Variants in FHIT observed in about 807,000 individuals in gnomAD.
FHIT encodes fragile histidine triad diadenosine triphosphatase.
FHIT carries 19 observed loss-of-function variants against 17.9 expected under a neutral mutation model. That is an observed-to-expected ratio of 1.06 (90% confidence interval 0.74 to 1.56). The LOEUF (loss-of-function observed/expected upper bound fraction) is 1.56. Among genes scored for constraint, FHIT ranks in the 40% most tolerant of loss-of-function variants. The pLI, the probability that FHIT is intolerant of heterozygous loss-of-function variation, is 0.00. For synonymous variants in FHIT, 81 were observed against 69.7 expected (o/e 1.16, Z -0.81); for missense variants, 248 against 189.2 (o/e 1.31, Z -1.82).
rs531694550 is a variant in FHIT, at chr3:60,222,856, G to A, written c.104-208704C>T. ...GCAGAGGTTGCAGTGAGACAAGATC[G>A]TACCACTGCACTCCAGCCTGGGTGA... is the stretch of plus-strand genomic sequence containing the variant. On this transcript the variant is annotated intron_variant, in intron 5 of 9. Coordinates refer to ENST00000492590, the MANE Select transcript of FHIT (RefSeq NM_002012.4). 2.0e-5 allele frequency among the ~76,000 whole-genome samples: 3 copies of A among 152,144 alleles called. No individual in the cohort carries two copies. The East Asian group carries it at 5.8e-4, about 30-fold the overall frequency.
At chr3:60,794,145 T>C (rs951698980) in intron 4 of FHIT, among the ~76,000 whole-genome samples, 1 of 152,238 alleles carries the variant, frequency 6.6e-6, no homozygotes, top group South Asian at 2.1e-4. Flanking sequence ...TTTACAGTTT[T>C]CTATAAATCC....
intron 7 of FHIT, among the ~76,000 whole-genome samples, chr3:59,933,089 T>C (rs933943543): frequency 1.3e-5 from 2 of 152,106 alleles, no homozygotes; most frequent in Admixed American, 1.3e-4. Flanking sequence ...AACTATATAA[T>C]CTGGGTAACA....
intron 4 of FHIT, among the ~76,000 whole-genome samples, chr3:60,809,855 C>T (rs1189538292): frequency 2.6e-5 from 4 of 152,158 alleles, no homozygotes; most frequent in Admixed American, 2.0e-4. Flanking sequence ...TCTCTCTCAA[C>T]CCTGGCTCAT....
chr3:60,284,190 G>T (rs35297861), intron 5 of FHIT, among the ~76,000 whole-genome samples: 38,543 of 151,846 alleles, frequency 0.25, 5,542 homozygotes, highest in East Asian at 0.67. Context: ...AACCTAAAAA[G>T]ACCCTTCATG....
chr3:60,212,287 G>A (rs1017781185), intron 5 of FHIT, among the ~76,000 whole-genome samples: 1 of 152,116 alleles, frequency 6.6e-6, no homozygotes, highest in African/African-American at 2.4e-5. Flanking sequence ...ATAAGCCTCT[G>A]AGGCACTCCC....
At chr3:60,594,319 G>A (rs1553665469) in intron 4 of FHIT, among the ~76,000 whole-genome samples, 1 of 152,016 alleles carries the variant, frequency 6.6e-6, no homozygotes, top group Non-Finnish European at 1.5e-5. Flanking sequence ...CTAGCCCATG[G>A]GAAGCTGAAC....
chr3:61,147,518 G>A (rs758190145), intron 2 of FHIT, among the ~76,000 whole-genome samples: 1 of 151,940 alleles, frequency 6.6e-6, no homozygotes, highest in Non-Finnish European at 1.5e-5. Context: ...GCTGCAATAT[G>A]AATTTTAAGA....
intron 7 of FHIT, among the ~76,000 whole-genome samples, chr3:59,984,452 G>T (rs372862019): frequency 6.6e-6 from 1 of 152,000 alleles, no homozygotes; most frequent in African/African-American, 2.4e-5. Flanking sequence ...TCGCACTTAC[G>T]ACATAGGAAG....
chr3:60,725,821 T>C (rs552382845), intron 4 of FHIT, among the ~76,000 whole-genome samples: 1 of 152,292 alleles, frequency 6.6e-6, no homozygotes, highest in South Asian at 2.1e-4. Context: ...TAACATTCAT[T>C]AACTTTTAAG....
intron 4 of FHIT, among the ~76,000 whole-genome samples, chr3:60,590,755 A>T (rs1238969357): frequency 6.6e-6 from 1 of 152,114 alleles, no homozygotes; most frequent in African/African-American, 2.4e-5. Context: ...CCACAGCTCC[A>T]AGTGTGAATG....
At chr3:59,869,249 CT>C (rs2106891723) in intron 8 of FHIT, among the ~76,000 whole-genome samples, 1 of 152,246 alleles carries the variant, frequency 6.6e-6, no homozygotes, top group Admixed American at 6.5e-5. Flanking sequence ...ACAAGCTCAA[CT>C]AGTTTAGCTC....
In FHIT at chr3:60,413,059, T is replaced by C. The variant is rs114611115; in HGVS notation, c.103+123801A>G. Among the ~76,000 whole-genome samples the C allele has an allele frequency of 1.3e-3, 203 of 152,276 alleles. 1 individual carries two copies. The highest frequency in any genetic ancestry group is 4.5e-3 in the African/African-American group (187 of 41,558). ...TTACACAGTCTCGGGCAGTTCTTCA[T>C]AGCAGTGTGAAAATGGACTAACACA... On this transcript the variant is annotated intron_variant, in intron 5 of 9. Transcript: ENST00000492590.
intron 3 of FHIT, among the ~76,000 whole-genome samples, chr3:60,939,727 A>G (rs980849515): frequency 6.6e-6 from 1 of 152,122 alleles, no homozygotes; most frequent in Non-Finnish European, 1.5e-5. Flanking sequence ...ATAAAACAAA[A>G]TAAGTTGTAA....
chr3:60,831,659 A>T (rs1392310091), intron 3 of FHIT, among the ~76,000 whole-genome samples: 2 of 152,194 alleles, frequency 1.3e-5, no homozygotes, highest in Non-Finnish European at 2.9e-5. Context: ...TTAGTATGCC[A>T]ATAACTTTTC....
Position 59,747,907 on chromosome 3 carries a change from GAGTC to G in FHIT, c.*1674_*1677del, listed in dbSNP as rs897458772. 5.3e-5 allele frequency among the ~76,000 whole-genome samples: 8 copies of G among 152,146 alleles called. No homozygotes were observed. Among genetic ancestry groups the G allele is most frequent in the African/African-American group, 1.4e-4 (6 of 41,436 alleles). ...TCCACTGCTGTTTCTCCAAAGTTGG[GAGTC>G]AGTCATATTCCTGTTTAAGATAATC... On this transcript the variant is annotated 3_prime_UTR_variant, in exon 10 of 10. Coordinates refer to ENST00000492590, the MANE Select transcript of FHIT (RefSeq NM_002012.4).
chr3:60,961,749 T>C (rs1709459717), intron 3 of FHIT, among the ~76,000 whole-genome samples: 2 of 152,166 alleles, frequency 1.3e-5, no homozygotes, highest in South Asian at 4.1e-4. Context: ...CGATGTGTGG[T>C]ATTATTTCTG....
chr3:60,547,852 A>G (rs1033153563), intron 4 of FHIT, among the ~76,000 whole-genome samples: 1 of 152,192 alleles, frequency 6.6e-6, no homozygotes. Context: ...AGTAAGGTTC[A>G]GTGACACAAA....
chr3:59,852,702 TG>T (rs1701990674), intron 8 of FHIT, among the ~76,000 whole-genome samples: 1 of 152,206 alleles, frequency 6.6e-6, no homozygotes, highest in Non-Finnish European at 1.5e-5. Context: ...TCCTAATCCT[TG>T]GCAACCACTG....
At chr3:60,369,698 G>A (rs558524455) in intron 5 of FHIT, among the ~76,000 whole-genome samples, 277 of 152,090 alleles carry the variant, frequency 1.8e-3, no homozygotes, top group South Asian at 0.01. Flanking sequence ...TGAGCTTCTA[G>A]GCTGTTAAGC....
Sources: allele counts gnomAD v4.1 joint callset (sites outside exome capture counted in the v4.1 genomes callset), GRCh38; gene constraint gnomAD v4.1.1; transcripts MANE v1.5; gene names NCBI Gene and HGNC (gene_info 2026-07-23, HGNC 2026-07-21).